CELSR1: variants seen among roughly 807,000 people sequenced by gnomAD.
CELSR1 encodes the protein adhesion G protein-coupled receptor C1.
A neutral mutation model predicts 249.1 loss-of-function variants in CELSR1; 110 were observed. That is an observed-to-expected ratio of 0.44 (90% CI 0.38 to 0.52). The LOEUF (loss-of-function observed/expected upper bound fraction) is 0.52. CELSR1 is among the 20% of genes least tolerant of loss of function. The pLI is 0.00. For missense variants in CELSR1, 4,109 were observed against 4,296.4 expected (o/e 0.96, Z 1.22); for synonymous variants, 2,113 against 1,900.0 (o/e 1.11, Z -2.92).
chr22:46,525,928 C>T (rs1041677057), intron 1 of CELSR1, among the ~76,000 whole-genome samples: 1 of 152,270 alleles, frequency 6.6e-6, no homozygotes, highest in African/African-American at 2.4e-5. Context: ...GCGTGGCCAG[C>T]ACCGCCCCTC....
Position 46,413,081 on chromosome 22 carries a change from A to G in CELSR1, c.4612-1322T>C, listed in dbSNP as rs1283732753. 6.6e-6 allele frequency among the ~76,000 whole-genome samples: 1 copy of G among 152,232 alleles called. No homozygotes were observed. Among genetic ancestry groups the G allele is most frequent in the Non-Finnish European group, 1.5e-5 (1 of 68,046 alleles). ...TCTGGGGTCAGTTTGAGTTTATAGC[A>G]TGATACAATCTCATGCTTCTTTATA... On this transcript the variant is annotated intron_variant, in intron 5 of 34. Transcript: ENST00000674500. This position sits in a 1 kb window ranked among gnomAD's most constrained non-coding sequence, Gnocchi z 4.7.
chr22:46,516,174 A>G (rs1269942453), intron 1 of CELSR1, among the ~76,000 whole-genome samples: 4 of 152,210 alleles, frequency 2.6e-5, no homozygotes, highest in Admixed American at 6.5e-5. Context: ...TTATTGCGGC[A>G]CTACTCACAA....
intron 1 of CELSR1, among the ~76,000 whole-genome samples, chr22:46,467,748 G>A (rs2080112426): frequency 6.6e-6 from 1 of 151,914 alleles, no homozygotes; most frequent in African/African-American, 2.4e-5. Flanking sequence ...CATGAACCTG[G>A]GAGGCAGAGC....
Position 46,412,802 on chromosome 22 carries a change from G to A in CELSR1, c.4612-1043C>T, listed in dbSNP as rs2079353614. ...TCTCAAAGTTCCAGAAACACAGTTG[G>A]TGCCAGCTCCAACCGGGACAGGCAA... On this transcript the variant is annotated intron_variant, in intron 5 of 34. Coordinates refer to ENST00000674500, the MANE Select transcript of CELSR1 (RefSeq NM_001378328.1). The surrounding 1 kb of genome is among the most constrained non-coding windows in gnomAD (Gnocchi z 4.5). Among the ~76,000 whole-genome samples the A allele has an allele frequency of 6.6e-6, 1 of 152,212 alleles. No homozygotes were observed. Among genetic ancestry groups the A allele is most frequent in the South Asian group, 2.1e-4 (1 of 4,822 alleles).
At chr22:46,373,451 G>A (rs2078878727) in intron 24 of CELSR1, among the ~76,000 whole-genome samples, 1 of 144,406 alleles carries the variant, frequency 6.9e-6, no homozygotes, top group African/African-American at 2.6e-5. Context: ...CAGTGCTCGG[G>A]GTTGGGGGGG....
In CELSR1 at chr22:46,411,555, T is replaced by C. The variant is rs375012600; in HGVS notation, c.4769+47A>G. 28 of 1,609,188 alleles carry C rather than the reference T, an allele frequency of 1.7e-5. No homozygotes were observed. The South Asian group carries it at 2.6e-4, about 15-fold the overall frequency. On this transcript the variant is annotated intron_variant, in intron 6 of 34. Coordinates refer to ENST00000674500, the MANE Select transcript of CELSR1 (RefSeq NM_001378328.1). The surrounding 1 kb of genome is among the most constrained non-coding windows in gnomAD (Gnocchi z 4.2). ...CCCTGGGAAGGCCGCAGGGTGAGCA[T>C]GTTTGGGGGTACGGACCCCCAGGGC...
chr22:46,533,494 A>T (rs2080813564), intron 1 of CELSR1, 133 bp downstream of exon 1: 1 of 1,341,302 alleles, frequency 7.5e-7, no homozygotes. Context: ...AACCGGCGGC[A>T]ACAAATCCTT....
At chr22:46,489,163 C>T (rs945582208) in intron 1 of CELSR1, among the ~76,000 whole-genome samples, 1 of 151,920 alleles carries the variant, frequency 6.6e-6, no homozygotes, top group African/African-American at 2.4e-5. Flanking sequence ...TTGGGGATGG[C>T]GAAGTGCCCT....
Position 46,428,940 on chromosome 22 carries a change from G to A in CELSR1, c.4611+4453C>T, listed in dbSNP as rs910577648. 1.3e-5 allele frequency among the ~76,000 whole-genome samples: 2 copies of A among 152,154 alleles called. No homozygotes were observed. Among genetic ancestry groups the A allele is most frequent in the Non-Finnish European group, 1.5e-5 (1 of 68,006 alleles). ...TCAGCTGGCTTTAGAAGATGCCCAG[G>A]TCAGGTGGACACGAGCCACCCTTGC... On this transcript the variant is annotated intron_variant, in intron 5 of 34. Coordinates refer to ENST00000674500, the MANE Select transcript of CELSR1 (RefSeq NM_001378328.1). The surrounding 1 kb of genome is among the most constrained non-coding windows in gnomAD (Gnocchi z 5.7).
intron 1 of CELSR1, among the ~76,000 whole-genome samples, chr22:46,524,989 C>G (rs948495896): frequency 4.6e-5 from 7 of 152,148 alleles, no homozygotes; most frequent in African/African-American, 1.7e-4. Flanking sequence ...TAATCCACAC[C>G]GCCTACCAGG....
rs2079183711 is a variant in CELSR1, at chr22:46,399,130, G to A, written c.5413-493C>T. 6.6e-6 allele frequency among the ~76,000 whole-genome samples: 1 copy of A among 152,248 alleles called. No homozygotes were observed. Among genetic ancestry groups the A allele is most frequent in the African/African-American group, 2.4e-5 (1 of 41,458 alleles). ...AGCCTTGGCTCCAAGAGCTCTTGGA[G>A]ATCCCAGGTCGCCCCTTAAGTGTGT... On this transcript the variant is annotated intron_variant, in intron 10 of 34. Transcript: ENST00000674500. The surrounding 1 kb of genome is among the most constrained non-coding windows in gnomAD (Gnocchi z 5.0).
intron 1 of CELSR1, among the ~76,000 whole-genome samples, chr22:46,507,890 G>A (rs1379377113): frequency 5.3e-5 from 8 of 152,162 alleles, no homozygotes; most frequent in African/African-American, 1.9e-4. Context: ...GAAAGGACAT[G>A]GCTACCTCCT....
intron 1 of CELSR1, among the ~76,000 whole-genome samples, chr22:46,525,680 A>C (rs2080731603): frequency 6.6e-6 from 1 of 152,204 alleles, no homozygotes; most frequent in South Asian, 2.1e-4. Flanking sequence ...TTTGAATCCA[A>C]GTGCTGGCAG....
In CELSR1 at chr22:46,363,820, TC is replaced by T; in HGVS notation, c.9035+175del. On this transcript the variant is annotated intron_variant, in intron 34 of 34. Transcript: ENST00000674500. This position sits in a 1 kb window ranked among gnomAD's most constrained non-coding sequence, Gnocchi z 4.3. ...AGGGGGTCTGCCCATCTCCGGGGTATCCTCCTGACCTCAGCTGCAGCGCCTC... is the reference window on the plus strand; with the variant it reads ...AGGGGGTCTGCCCATCTCCGGGGTATCTCCTGACCTCAGCTGCAGCGCCTC... 1.2e-6 allele frequency: 1 copy of T among 818,816 alleles called. No individual in the cohort carries two copies. Among genetic ancestry groups the T allele is most frequent in the Non-Finnish European group, 1.8e-6 (1 of 547,944 alleles). 50.7% of individuals were successfully genotyped at this position (818,816 alleles called of 1,614,324 possible). A position where few individuals can be genotyped will look rare whatever the true frequency, so the allele number is the denominator to read the frequency against.
intron 2 of CELSR1, among the ~76,000 whole-genome samples, chr22:46,450,502 G>A (rs551626417): frequency 3.3e-5 from 5 of 152,374 alleles, no homozygotes; most frequent in Admixed American, 6.5e-5. Flanking sequence ...AAGGCAGGCC[G>A]CAGCACCTGG....
chr22:46,431,478 T>C (rs889791113), intron 5 of CELSR1, among the ~76,000 whole-genome samples: 1 of 152,218 alleles, frequency 6.6e-6, no homozygotes, highest in African/African-American at 2.4e-5. Flanking sequence ...GGTCTTCTGA[T>C]ACGTGCAGGA....
At position 46,406,349 on chromosome 22, in the gene CELSR1, G is replaced by A. The variant is rs969956756; in HGVS notation, c.5226+2647C>T. On this transcript the variant is annotated intron_variant, in intron 9 of 34. Transcript: ENST00000674500. The surrounding 1 kb of genome is among the most constrained non-coding windows in gnomAD (Gnocchi z 5.4). ...CCACAGGCCAGCTGTAATCATCCCTGGCGCACACCACACCTTCCAGGCAAT... is the reference window on the plus strand; with the variant it reads ...CCACAGGCCAGCTGTAATCATCCCTAGCGCACACCACACCTTCCAGGCAAT... Among the ~76,000 whole-genome samples the A allele has an allele frequency of 6.6e-6, 1 of 152,210 alleles. No homozygotes were observed. The highest frequency in any genetic ancestry group is 1.5e-5 in the Non-Finnish European group (1 of 68,042).
At chr22:46,516,098 C>T (rs555198540) in intron 1 of CELSR1, among the ~76,000 whole-genome samples, 19 of 152,276 alleles carry the variant, frequency 1.2e-4, no homozygotes, top group Admixed American at 2.6e-4. Flanking sequence ...CCAGCCATCC[C>T]ATTACTGGGT....
intron 25 of CELSR1, 53 bp from the exon 26 acceptor site, chr22:46,369,857 C>T (rs1200021135): frequency 1.3e-6 from 2 of 1,504,266 alleles, no homozygotes; most frequent in Non-Finnish European, 1.8e-6. Flanking sequence ...CCAGTGGCCA[C>T]CCCATGCCAA....
Sources: gnomAD v4.1 joint callset for allele counts (sites outside exome capture counted in the v4.1 genomes callset) on GRCh38, gnomAD v4.1.1 for gene constraint, Gnocchi (gnomAD v3.1) non-coding constraint, MANE v1.5 for transcripts, NCBI Gene and HGNC (gene_info 2026-07-23, HGNC 2026-07-21) for gene names.